NSUN3: variants seen among roughly 807,000 people sequenced by gnomAD.
NSUN3 encodes the protein tRNA (cytosine(34)-C(5))-methyltransferase, mitochondrial.
A neutral mutation model predicts 36.8 loss-of-function variants in NSUN3; 24 were observed. The observed-to-expected ratio is 0.65, with a 90% CI of 0.47 to 0.92. The LOEUF (loss-of-function observed/expected upper bound fraction) is 0.92, where lower values mean the gene tolerates loss of function less well. NSUN3 is among the 40% of genes least tolerant of loss of function. The pLI, the probability that NSUN3 is intolerant of heterozygous loss-of-function variation, is 0.00. For synonymous variants in NSUN3, 146 were observed against 145.2 expected, an observed-to-expected ratio of 1.01 and a Z score of -0.04; for missense variants, 381 against 392.8, an observed-to-expected ratio of 0.97 and a Z score of 0.25.
chr3:94,067,938 G>T (rs952443500), intron 2 of NSUN3, among the ~76,000 whole-genome samples: 2 of 152,058 alleles, frequency 1.3e-5, no homozygotes, highest in African/African-American at 2.4e-5. Context: ...CCAGAAGTCT[G>T]CAGTATTATG....
intron 5 of NSUN3, among the ~76,000 whole-genome samples, chr3:94,113,447 CTT>C (rs1202348507): frequency 1.3e-5 from 2 of 152,038 alleles, no homozygotes; most frequent in East Asian, 3.9e-4. Context: ...ATATAACACA[CTT>C]AACGTCAGGT....
At chr3:94,066,002 A>G (rs375742668) in intron 2 of NSUN3, among the ~76,000 whole-genome samples, 22 of 151,876 alleles carry the variant, frequency 1.4e-4, no homozygotes, top group African/African-American at 3.6e-4. Context: ...GTCTGACTCA[A>G]TAACTCCCAC....
intron 5 of NSUN3, among the ~76,000 whole-genome samples, chr3:94,109,575 C>T (rs1055980525): frequency 2.0e-5 from 3 of 152,140 alleles, no homozygotes; most frequent in African/African-American, 4.8e-5. Context: ...CTAGAATCCA[C>T]GAAGACAAAA....
intron 5 of NSUN3, among the ~76,000 whole-genome samples, chr3:94,111,072 G>A (rs1195343561): frequency 6.6e-6 from 1 of 152,090 alleles, no homozygotes; most frequent in African/African-American, 2.4e-5. Flanking sequence ...AGGCTATATG[G>A]TATAGCCTGT....
intron 5 of NSUN3, among the ~76,000 whole-genome samples, chr3:94,113,775 A>G (rs2077428227): frequency 6.6e-6 from 1 of 152,236 alleles, no homozygotes. Context: ...CAAACAAAGT[A>G]TTGTTAAATG....
intron 2 of NSUN3, among the ~76,000 whole-genome samples, chr3:94,077,842 A>T (rs2077253078): frequency 6.6e-6 from 1 of 151,888 alleles, no homozygotes; most frequent in Non-Finnish European, 1.5e-5. Flanking sequence ...CTTCTTTATT[A>T]GTCTGGCTAG....
rs1283951879 is a variant in NSUN3, at chr3:94,094,309, T to C, written c.621+15T>C. On this transcript the variant is annotated intron_variant, in intron 4 of 5. Coordinates refer to ENST00000314622, the MANE Select transcript of NSUN3 (RefSeq NM_022072.5). Reference sequence around the variant, plus strand: ...TGTTTGACAAGGTACTTTTATTACATTGTGACAAACTGATGGACGCCCAGT... The same window carrying C: ...TGTTTGACAAGGTACTTTTATTACACTGTGACAAACTGATGGACGCCCAGT... The C allele has an allele frequency of 2.5e-6, 4 of 1,606,894 alleles. No homozygotes were observed. Among genetic ancestry groups the C allele is most frequent in the Non-Finnish European group, 3.4e-6 (4 of 1,177,112 alleles).
At chr3:94,111,754 T>C (rs1317214819) in intron 5 of NSUN3, among the ~76,000 whole-genome samples, 2 of 152,122 alleles carry the variant, frequency 1.3e-5, no homozygotes, top group East Asian at 3.9e-4. Flanking sequence ...CTGTCATCTA[T>C]GATAACAGTA....
intron 5 of NSUN3, among the ~76,000 whole-genome samples, chr3:94,116,134 A>G (rs1167003019): frequency 1.3e-5 from 2 of 152,100 alleles, no homozygotes; most frequent in East Asian, 1.9e-4. Flanking sequence ...CTTTCTTACT[A>G]TCCTTTAGTT....
chr3:94,085,792 C>A (rs1280791403), intron 3 of NSUN3, among the ~76,000 whole-genome samples: 1 of 152,066 alleles, frequency 6.6e-6, no homozygotes, highest in Admixed American at 6.6e-5. Context: ...TTTACTGTTT[C>A]TTCACACTCC....
intron 2 of NSUN3, chr3:94,075,982 C>A: frequency 1.3e-6 from 2 of 1,592,680 alleles, no homozygotes; most frequent in Non-Finnish European, 1.7e-6. Flanking sequence ...CCATTTGCCA[C>A]ACTTGCATGA....
intron 5 of NSUN3, among the ~76,000 whole-genome samples, chr3:94,108,683 C>T (rs1006501618): frequency 6.1e-5 from 9 of 148,558 alleles, no homozygotes; most frequent in Non-Finnish European, 1.0e-4. Flanking sequence ...TTTTGAGACA[C>T]AGTCTTGCTC....
At chr3:94,077,915 A>G (rs912581876) in intron 2 of NSUN3, among the ~76,000 whole-genome samples, 5 of 152,112 alleles carry the variant, frequency 3.3e-5, no homozygotes, top group Admixed American at 2.6e-4. Context: ...ATTTTTTTGA[A>G]GGGATTTTCA....
At chr3:94,111,817 CTT>C (rs140158512) in intron 5 of NSUN3, among the ~76,000 whole-genome samples, 2 of 144,182 alleles carry the variant, frequency 1.4e-5, no homozygotes, top group Admixed American at 6.9e-5. Context: ...TTACAGTTAC[CTT>C]TTTTTTTTTT....
chr3:94,115,184 T>A (rs2077434652), intron 5 of NSUN3, among the ~76,000 whole-genome samples: 1 of 152,206 alleles, frequency 6.6e-6, no homozygotes, highest in Admixed American at 6.5e-5. Flanking sequence ...TATAAGGTAG[T>A]CTCATATAGG....
chr3:94,081,324 G>C (rs1191572022), intron 2 of NSUN3, among the ~76,000 whole-genome samples: 1 of 152,166 alleles, frequency 6.6e-6, no homozygotes, highest in African/African-American at 2.4e-5. Flanking sequence ...TGATCTTGCT[G>C]GGAGCTGCAG....
chr3:94,078,422 G>T (rs531552217), intron 2 of NSUN3, among the ~76,000 whole-genome samples: 1 of 152,296 alleles, frequency 6.6e-6, no homozygotes, highest in South Asian at 2.1e-4. Context: ...TGTTGATTTT[G>T]GGTGGAGAGT....
At chr3:94,064,807 T>C (rs1432839391) in intron 2 of NSUN3, among the ~76,000 whole-genome samples, 1 of 152,166 alleles carries the variant, frequency 6.6e-6, no homozygotes, top group East Asian at 1.9e-4. Context: ...ATCCTTGAAA[T>C]AGGAATGCCC....
rs554897215 is a variant in NSUN3 at position 94,128,155 on chromosome 3, C to T, written c.*1665C>T. On this transcript the variant is annotated 3_prime_UTR_variant, in exon 6 of 6. Transcript: ENST00000314622. ...AGGAGAATCACTTGAACCCAGGAGGCAGAGGTTGCAGTTAGCCAAGATCTC... is the reference window on the plus strand; with the variant it reads ...AGGAGAATCACTTGAACCCAGGAGGTAGAGGTTGCAGTTAGCCAAGATCTC... 1 of 152,202 alleles carries T rather than the reference C, an allele frequency of 6.6e-6. No homozygotes were observed. Among genetic ancestry groups the T allele is most frequent in the East Asian group, 1.9e-4 (1 of 5,170 alleles). The allele number at this position is 152,202 out of a possible 1,614,324, so 9.4% of individuals were successfully genotyped here.
Sources: gnomAD v4.1 joint callset for allele counts (sites outside exome capture counted in the v4.1 genomes callset) on GRCh38, gnomAD v4.1.1 for gene constraint, MANE v1.5 for transcripts, NCBI Gene and HGNC (gene_info 2026-07-23, HGNC 2026-07-21) for gene names.